MROH2A: variants seen among roughly 807,000 people sequenced by gnomAD.
MROH2A encodes maestro heat-like repeat-containing protein family member 2A.
MROH2A carries 174 observed loss-of-function variants against 200.4 expected under a neutral mutation model. The observed-to-expected ratio is 0.87, with a 90% CI of 0.77 to 0.98. MROH2A has a LOEUF of 0.98. Among genes scored for constraint, MROH2A ranks in the 50% least tolerant of loss-of-function variants. The probability of loss-of-function intolerance (pLI) is 0.00; values close to 1 mark genes in which losing one functional copy is unlikely to be tolerated. For missense variants in MROH2A, 2,045 were observed against 2,139.6 expected (o/e 0.96, Z 0.87); for synonymous variants, 829 against 840.4 (o/e 0.99, Z 0.23).
rs139283338 is a variant in MROH2A, at chr2:233,820,948, G to A, written c.3512+892G>A. Among the ~76,000 whole-genome samples, 685 of 152,310 alleles carry A rather than the reference G, an allele frequency of 4.5e-3. 3 individuals carry two copies. The highest frequency in any genetic ancestry group is 0.016 in the African/African-American group (652 of 41,574). ...GATTTAATGAGGCTCAGTGGCTCAT[G>A]AGGCAGTGCTGGGTGGGGGTAAGGG... On this transcript the variant is annotated intron_variant, in intron 31 of 41. Coordinates refer to ENST00000389758, the MANE Select transcript of MROH2A (RefSeq NM_001394639.1). The surrounding 1 kb of genome is among the most constrained non-coding windows in gnomAD (Gnocchi z 4.1).
chr2:233,810,740 C>T (rs1314081493), intron 22 of MROH2A, 54 bp from the exon 23 acceptor site: 2 of 1,541,356 alleles, frequency 1.3e-6, no homozygotes, highest in Non-Finnish European at 1.8e-6. Context: ...AGCTTGGATT[C>T]TTCTGGGGCT....
intron 8 of MROH2A, 78 bp from the exon 9 acceptor site, chr2:233,795,575 C>A: frequency 1.3e-6 from 2 of 1,547,160 alleles, no homozygotes; most frequent in Middle Eastern, 1.7e-4. Context: ...GGTCAGTGGG[C>A]CCCTGAGTAG....
In MROH2A at chr2:233,816,802, T is replaced by C; in HGVS notation, c.2878T>C (p.Ser960Pro). The C allele has an allele frequency of 1.3e-6, 2 of 1,550,334 alleles. No homozygotes were observed. The change falls in exon 27 of 42, where the codon TCG becomes CCG. Residue 960 changes from serine (S) to proline (P), a missense_variant. Physicochemically the swap from Ser to Pro is moderately conservative, Grantham distance 74. This residue lies in a region of MROH2A where 1,201 missense variants were observed against 1,311.3 expected (regional missense o/e 0.92). Transcript: ENST00000389758. Reference sequence around the variant, plus strand: ...ATAGCTCCTGGAAAAGTGGATCTTGTCGGAGAAAGAATGGGAGCGGGAAAA... The same window carrying C: ...ATAGCTCCTGGAAAAGTGGATCTTGCCGGAGAAAGAATGGGAGCGGGAAAA... ...MVQLLEKWIL[S>P]EKEWEREKAV... is the part of the protein sequence containing the mutation.
chr2:233,812,510 C>T (rs564107233), intron 24 of MROH2A, among the ~76,000 whole-genome samples: 25 of 152,238 alleles, frequency 1.6e-4, no homozygotes, highest in African/African-American at 4.3e-4. Context: ...ATTACTTAGG[C>T]GCATAGCAGA....
intron 23 of MROH2A, among the ~76,000 whole-genome samples, chr2:233,811,610 G>A (rs750906018): frequency 2.0e-5 from 3 of 152,246 alleles, no homozygotes; most frequent in Non-Finnish European, 4.4e-5. Flanking sequence ...CAGAGAAGGG[G>A]ACTTGGGCTC....
intron 38 of MROH2A, among the ~76,000 whole-genome samples, chr2:233,830,146 C>T (rs957494998): frequency 6.6e-6 from 1 of 152,262 alleles, no homozygotes; most frequent in African/African-American, 2.4e-5. Context: ...TGTCCACTGC[C>T]TGCAGGCCCA....
At chr2:233,792,714 G>A (rs1701862394) in intron 5 of MROH2A, 82 bp from the exon 6 acceptor site, 3 of 845,110 alleles carry the variant, frequency 3.5e-6, no homozygotes, top group Middle Eastern at 2.2e-4. Context: ...TGGAGGTGGA[G>A]GGCAGCAGGG....
At chr2:233,779,633 A>G (rs1351555270) in intron 2 of MROH2A, 38 bp from the exon 3 acceptor site, 7 of 1,545,808 alleles carry the variant, frequency 4.5e-6, no homozygotes, top group Non-Finnish European at 5.2e-6. Flanking sequence ...TGTCATGGTC[A>G]TTTCCACACT....
At position 233,779,733 on chromosome 2, in the gene MROH2A, A is replaced by G. The variant is rs1432041339; in HGVS notation, c.157A>G (p.Thr53Ala). Residue 53 changes from threonine (T) to alanine (A), a missense_variant, in exon 3 of 42, where the codon ACA becomes GCA. This residue lies in a region of MROH2A where 831 missense variants were observed against 800.0 expected (regional missense o/e 1.04). Coordinates refer to ENST00000389758, the MANE Select transcript of MROH2A (RefSeq NM_001394639.1). ...IIDSESAKTD[T>A]TGAGLDMRKT... ...TGACAGCGAGTCAGCAAAGACGGACACAACAGGGGCAGGCCTTGACATGCG... is the reference window on the plus strand; with the variant it reads ...TGACAGCGAGTCAGCAAAGACGGACGCAACAGGGGCAGGCCTTGACATGCG... The G allele has an allele frequency of 6.4e-7, 1 of 1,551,074 alleles. No individual in the cohort carries two copies. Among genetic ancestry groups the G allele is most frequent in the South Asian group, 1.2e-5 (1 of 84,066 alleles).
intron 37 of MROH2A, 29 bp from the exon 38 acceptor site, chr2:233,829,591 A>G (rs569898152): frequency 1.2e-4 from 159 of 1,368,748 alleles, no homozygotes; most frequent in Admixed American, 3.5e-4. Context: ...TGCTGCCTGC[A>G]TGTCAGCCTG....
At chr2:233,830,473 T>C (rs1191287265) in intron 38 of MROH2A, among the ~76,000 whole-genome samples, 4 of 152,152 alleles carry the variant, frequency 2.6e-5, no homozygotes. Context: ...TGGCCTAACA[T>C]GAAAGAAATG....
intron 7 of MROH2A, 77 bp downstream of exon 7, chr2:233,793,901 G>A: frequency 1.5e-6 from 2 of 1,308,966 alleles, no homozygotes; most frequent in Middle Eastern, 2.2e-4. Context: ...GGGAGGTGCT[G>A]AGGGACCGTC....
Position 233,813,761 on chromosome 2 carries a change from G to A in MROH2A, c.2743G>A (p.Asp915Asn), listed in dbSNP as rs530631790. ...AATTTCTCTCCAACTCCCAGGAGAG[G>A]ACAATGAGTCCATTAAGGTAGGTCC... ...SVISLQLPGE[D>N]NESIKTLYAN... is the part of the protein sequence containing the mutation. Residue 915 changes from aspartate to asparagine, a missense_variant, in exon 25 of 42, where the codon GAC (aspartate) becomes AAC (asparagine). Coordinates refer to ENST00000389758, the MANE Select transcript of MROH2A (RefSeq NM_001394639.1). 34 of 1,543,276 alleles carry A rather than the reference G, an allele frequency of 2.2e-5. No homozygotes were observed. The highest frequency in any genetic ancestry group is 3.9e-5 in the Admixed American group (2 of 50,970).
chr2:233,782,913 A>T (rs1453325375), intron 3 of MROH2A, among the ~76,000 whole-genome samples: 1 of 149,096 alleles, frequency 6.7e-6, no homozygotes. Context: ...TTGAGTTTTT[A>T]AAAAATCATA....
intron 3 of MROH2A, 82 bp from the exon 4 acceptor site, chr2:233,789,415 G>T (rs774629421): frequency 1.7e-4 from 220 of 1,271,030 alleles, no homozygotes; most frequent in Non-Finnish European, 2.0e-4. Flanking sequence ...TGGGTGTAGG[G>T]AAGGAGGACA....
intron 30 of MROH2A, 67 bp from the exon 31 acceptor site, chr2:233,819,835 C>T (rs1703813823): frequency 3.5e-6 from 5 of 1,430,894 alleles, no homozygotes; most frequent in Non-Finnish European, 4.6e-6. Context: ...AGGGGCATGT[C>T]ATGGGGTTAG....
chr2:233,821,184 G>T (rs185984551), intron 31 of MROH2A, among the ~76,000 whole-genome samples: 178 of 152,330 alleles, frequency 1.2e-3, no homozygotes, highest in Non-Finnish European at 2.1e-3. Flanking sequence ...TCTGTTCAGG[G>T]TCTCACAAGC....
At position 233,831,585 on chromosome 2, in the gene MROH2A, C is replaced by T. The variant is rs28900701; in HGVS notation, c.4734+45C>T. 2.6e-3 allele frequency: 3,962 copies of T among 1,535,848 alleles called. 67 individuals carry two copies. The African/African-American group carries it at 0.039, about 15-fold the overall frequency. ...AACCAGCCCGTCCCAGGTGGCCACA[C>T]GCTGGCTTGGAGCTGGGGGGTCGAG... On this transcript the variant is annotated intron_variant, in intron 39 of 41. Coordinates refer to ENST00000389758, the MANE Select transcript of MROH2A (RefSeq NM_001394639.1).
rs11563249 is a variant in MROH2A, at chr2:233,778,582, A to G, written c.-15+101A>G. 1,409 of 165,636 alleles carry G rather than the reference A, an allele frequency of 8.5e-3. 19 individuals carry two copies. The highest frequency in any genetic ancestry group is 6.2e-3 in the Non-Finnish European group (426 of 68,256). The allele number at this position is 165,636 out of a possible 1,614,324, so 10.3% of individuals were successfully genotyped here. ...GGGATGGATCTTTGAGGATCAAGGA[A>G]CTTGGGACAGGAGGAGAAAGGATCT... On this transcript the variant is annotated intron_variant, in intron 1 of 41. Coordinates refer to ENST00000389758, the MANE Select transcript of MROH2A (RefSeq NM_001394639.1).
Sources: allele counts gnomAD v4.1 joint callset (sites outside exome capture counted in the v4.1 genomes callset), GRCh38; gene constraint gnomAD v4.1.1; regional missense constraint gnomAD v4.1.1; non-coding constraint Gnocchi (gnomAD v3.1); transcripts MANE v1.5; gene names NCBI Gene and HGNC (gene_info 2026-07-23, HGNC 2026-07-21).